The following SRP54 variants were observed in gnomAD, a reference collection of about 807,000 sequenced individuals.
SRP54 encodes signal recognition particle subunit SRP54.
A neutral mutation model predicts 64.8 loss-of-function variants in SRP54; 10 were observed. The observed-to-expected ratio is 0.15, with a 90% CI of 0.10 to 0.26. The LOEUF (loss-of-function observed/expected upper bound fraction) is 0.26, where lower values mean the gene tolerates loss of function less well. Among genes scored for constraint, SRP54 ranks in the 10% least tolerant of loss-of-function variants. The probability of loss-of-function intolerance (pLI) is 1.00; values close to 1 mark genes in which losing one functional copy is unlikely to be tolerated. For missense variants in SRP54, 325 were observed against 613.7 expected, an observed-to-expected ratio of 0.53 and a Z score of 4.97; for synonymous variants, 193 against 185.6, an observed-to-expected ratio of 1.04 and a Z score of -0.32.
chr14:35,014,773 A>G lies in SRP54; in HGVS notation c.916A>G (p.Lys306Glu). The part of the protein sequence containing the change: ...GMGDIEGLID[K>E]VNELKLDDNE... The stretch of plus-strand genomic sequence containing the variant: ...GGGCGACATTGAAGGACTGATAGAT[A>G]AAGTCAACGAGTTGAAGTTGGATGA... Residue 306 changes from lysine to glutamate, a missense_variant, in exon 11 of 16, where the codon AAA (lysine) becomes GAA (glutamate). By Grantham distance (56) the Lys-to-Glu change is moderately conservative (BLOSUM62 1). Transcript: ENST00000216774. 1.2e-6 allele frequency: 2 copies of G among 1,613,986 alleles called. No homozygotes were observed. Among genetic ancestry groups the G allele is most frequent in the East Asian group, 2.2e-5 (1 of 44,840 alleles).
chr14:34,999,683 A>T, intron 3 of SRP54, 34 bp downstream of exon 3: 1 of 1,443,494 alleles, frequency 6.9e-7, no homozygotes, highest in Non-Finnish European at 9.7e-7. Context: ...ACACAGGCAC[A>T]GTTTAGTTTA....
intron 13 of SRP54, among the ~76,000 whole-genome samples, chr14:35,021,080 A>G (rs759888850): frequency 4.6e-5 from 7 of 152,218 alleles, no homozygotes; most frequent in Non-Finnish European, 8.8e-5. Context: ...TAAAAGCTGC[A>G]TTTATGAAAT....
At chr14:35,017,857 C>T (rs2044467999) in intron 11 of SRP54, among the ~76,000 whole-genome samples, 1 of 152,134 alleles carries the variant, frequency 6.6e-6, no homozygotes, top group African/African-American at 2.4e-5. Context: ...CATGGTGGCT[C>T]ACACTGTAAT....
intron 13 of SRP54, among the ~76,000 whole-genome samples, chr14:35,022,403 C>T (rs1022438444): frequency 1.6e-4 from 25 of 151,810 alleles, no homozygotes; most frequent in African/African-American, 5.6e-4. Context: ...GTCGCCCAGG[C>T]TGGAGTGCAA....
chr14:35,023,932 G>C (rs1257788863), intron 14 of SRP54, among the ~76,000 whole-genome samples: 1 of 152,084 alleles, frequency 6.6e-6, no homozygotes, highest in Non-Finnish European at 1.5e-5. Context: ...ATCAGTTTTT[G>C]TGCAGTTCCA....
Position 35,029,056 on chromosome 14 carries a change from T to G in SRP54, c.1424-5T>G, listed in dbSNP as rs763830292. 6.2e-7 allele frequency: 1 copy of G among 1,612,530 alleles called. No homozygotes were observed. The highest frequency in any genetic ancestry group is 8.5e-7 in the Non-Finnish European group (1 of 1,179,038). Reference sequence around the variant, plus strand: ...TTTAACTCTACTTCCCTACTTTTGCTCTAGGTGGTATGGCAGGACTTCAGT... The same window carrying G: ...TTTAACTCTACTTCCCTACTTTTGCGCTAGGTGGTATGGCAGGACTTCAGT... On this transcript the variant is annotated splice_polypyrimidine_tract_variant and splice_region_variant and intron_variant, in intron 15 of 15. Transcript: ENST00000216774.
intron 14 of SRP54, 138 bp from the exon 15 acceptor site, chr14:35,027,950 A>G: frequency 2.3e-6 from 1 of 444,330 alleles, no homozygotes; most frequent in Non-Finnish European, 4.0e-6. Context: ...AGAAATAGAA[A>G]GAATTATGTT....
At chr14:35,016,643 A>G (rs1399291524) in intron 11 of SRP54, among the ~76,000 whole-genome samples, 1 of 152,136 alleles carries the variant, frequency 6.6e-6, no homozygotes, top group African/African-American at 2.4e-5. Context: ...ACTTCCTACA[A>G]TTAATTTTTA....
chr14:35,005,692 A>T (rs985578966), intron 4 of SRP54, among the ~76,000 whole-genome samples: 1 of 151,950 alleles, frequency 6.6e-6, no homozygotes, highest in South Asian at 2.1e-4. Context: ...GAGCCACCAC[A>T]CCCAGCCTCC....
At chr14:35,013,568 T>C in intron 9 of SRP54, 74 bp downstream of exon 9, 1 of 1,475,824 alleles carries the variant, frequency 6.8e-7, no homozygotes, top group Non-Finnish European at 9.2e-7. Context: ...AGCTTTCATA[T>C]TGATCATTTA....
At chr14:35,016,788 A>G (rs1397961224) in intron 11 of SRP54, among the ~76,000 whole-genome samples, 1 of 149,292 alleles carries the variant, frequency 6.7e-6, no homozygotes, top group Non-Finnish European at 1.5e-5. Context: ...TTCAGCAACT[A>G]TTGAATGAAT....
chr14:34,985,903 G>C (rs1347908371), intron 1 of SRP54, among the ~76,000 whole-genome samples: 2 of 152,140 alleles, frequency 1.3e-5, no homozygotes, highest in Non-Finnish European at 2.9e-5. Context: ...CGCATTGCTT[G>C]AGCATATGCC....
intron 13 of SRP54, 123 bp from the exon 14 acceptor site, chr14:35,022,787 T>G: frequency 3.1e-6 from 2 of 653,194 alleles, no homozygotes; most frequent in Non-Finnish European, 4.6e-6. Flanking sequence ...AAAAGAAAAA[T>G]GAGATAGTTA....
intron 11 of SRP54, among the ~76,000 whole-genome samples, chr14:35,017,520 C>T (rs559758282): frequency 6.6e-6 from 1 of 152,284 alleles, no homozygotes; most frequent in African/African-American, 2.4e-5. Context: ...TTTAATTCTG[C>T]GTTTCTAGTT....
chr14:35,025,796 T>C lies in SRP54; in HGVS notation c.1328-2292T>C, dbSNP rs959438141. ...ATTCATAGTTTATAATTCACATGAT[T>C]TATTCACATTAACCAGCTGTGATTG... is the stretch of plus-strand genomic sequence containing the variant. On this transcript the variant is annotated intron_variant, in intron 14 of 15. Coordinates refer to ENST00000216774, the MANE Select transcript of SRP54 (RefSeq NM_003136.4). 3.3e-5 allele frequency among the ~76,000 whole-genome samples: 5 copies of C among 152,200 alleles called. No individual in the cohort carries two copies. The South Asian group carries it at 8.3e-4, about 25-fold the overall frequency.
chr14:35,014,290 T>TTTTTTTTTGTTTTGTTTTTTTG (rs376712278), intron 10 of SRP54, among the ~76,000 whole-genome samples: 1 of 127,284 alleles, frequency 7.9e-6, no homozygotes, highest in African/African-American at 2.9e-5. Context: ...TTTTTTTTTT[T>TTTTTTTTTGTTTTGTTTTTTTG]TTTTGAGACG....
At chr14:35,002,523 G>C (rs1206480365) in intron 4 of SRP54, among the ~76,000 whole-genome samples, 1 of 150,622 alleles carries the variant, frequency 6.6e-6, no homozygotes, top group African/African-American at 2.4e-5. Flanking sequence ...ACCTCTGCCT[G>C]CCAGGTTCAA....
At chr14:35,023,190 A>G (rs2044563486) in intron 14 of SRP54, 110 bp downstream of exon 14, 1 of 835,090 alleles carries the variant, frequency 1.2e-6, no homozygotes, top group Non-Finnish European at 1.8e-6. Context: ...TGTTATTTTC[A>G]AGTACTTCCA....
intron 1 of SRP54, among the ~76,000 whole-genome samples, chr14:34,984,945 A>G (rs899375148): frequency 2.1e-4 from 31 of 148,884 alleles, no homozygotes; most frequent in African/African-American, 7.7e-4. Context: ...TATGTCATGC[A>G]TACGAAAGTG....
Sources: allele counts gnomAD v4.1 joint callset (sites outside exome capture counted in the v4.1 genomes callset), GRCh38; gene constraint gnomAD v4.1.1; transcripts MANE v1.5; gene names NCBI Gene and HGNC (gene_info 2026-07-23, HGNC 2026-07-21).